Variants in RAB3IL1 observed in about 807,000 individuals in gnomAD.
The protein encoded by RAB3IL1 is RAB3A interacting protein like 1.
Under a neutral mutation model 49.2 loss-of-function variants are expected in RAB3IL1, and 37 were observed. The ratio of observed to expected loss-of-function variants is 0.75; its 90% CI spans 0.58 to 0.99. RAB3IL1 has a LOEUF of 0.99. RAB3IL1 is among the 50% of genes least tolerant of loss of function. The pLI is 0.00. For synonymous variants in RAB3IL1, 193 were observed against 213.9 expected (o/e 0.90, Z 0.85); for missense variants, 484 against 513.0 (o/e 0.94, Z 0.55).
chr11:61,925,848 AG>A, the RAB3IL1 span, among the ~76,000 whole-genome samples: 2 of 152,198 alleles, frequency 1.3e-5, no homozygotes, highest in African/African-American at 4.8e-5. Flanking sequence ...GGCGAGTTAA[AG>A]AATTTGGACT....
the RAB3IL1 span, among the ~76,000 whole-genome samples, chr11:61,939,582 T>G: frequency 6.6e-6 from 1 of 151,530 alleles, no homozygotes; most frequent in African/African-American, 2.4e-5. Flanking sequence ...AAAACAAAAG[T>G]TGATTCTTCA....
At chr11:61,916,920 G>A (rs943730959) in intron 1 of RAB3IL1, among the ~76,000 whole-genome samples, 4 of 151,986 alleles carry the variant, frequency 2.6e-5, no homozygotes, top group Non-Finnish European at 5.9e-5. Context: ...CCTCAACTTG[G>A]GAGCCACCCT....
upstream of RAB3IL1, among the ~76,000 whole-genome samples, chr11:61,922,287 G>C (rs769913401): frequency 1.3e-5 from 2 of 152,110 alleles, no homozygotes; most frequent in Non-Finnish European, 2.9e-5. Context: ...TTAGGAGGCC[G>C]AGGCGAGTGG....
chr11:61,943,089 C>G, the RAB3IL1 span, among the ~76,000 whole-genome samples: 1 of 152,198 alleles, frequency 6.6e-6, no homozygotes, highest in African/African-American at 2.4e-5. Context: ...AACTTACACT[C>G]CTGGTTTCGA....
chr11:61,901,855 C>A (rs998719825), intron 8 of RAB3IL1, among the ~76,000 whole-genome samples: 6 of 152,230 alleles, frequency 3.9e-5, no homozygotes, highest in Non-Finnish European at 7.3e-5. Flanking sequence ...AGCAGAGAAT[C>A]CAGTAAGTAA....
the RAB3IL1 span, among the ~76,000 whole-genome samples, chr11:61,928,064 A>G: frequency 6.6e-6 from 1 of 152,146 alleles, no homozygotes; most frequent in Non-Finnish European, 1.5e-5. Context: ...TCACATATCA[A>G]AAAGATGGCT....
chr11:61,898,892 G>T lies in RAB3IL1; in HGVS notation c.1066+422C>A, dbSNP rs751947248. On this transcript the variant is annotated intron_variant, in intron 9 of 9. Coordinates refer to ENST00000394836, the MANE Select transcript of RAB3IL1 (RefSeq NM_013401.4). The surrounding 1 kb of genome is among the most constrained non-coding windows in gnomAD (Gnocchi z 5.1). ...AGGAGAAGACTCAGCAGCGAGCAAA[G>T]GTTGGTGGAGGAGCGGGGAGCCAGG... The T allele has an allele frequency of 9.1e-5, 43 of 473,896 alleles. No homozygotes were observed. Among genetic ancestry groups the T allele is most frequent in the South Asian group, 6.3e-4 (41 of 64,726 alleles). The allele number at this position is 473,896 out of a possible 1,614,324, so 29.4% of individuals were successfully genotyped here.
chr11:61,920,798 C>CTGTAATCTCA (rs200812268), upstream of RAB3IL1, among the ~76,000 whole-genome samples: 3,049 of 152,240 alleles, frequency 0.02, 87 homozygotes, highest in African/African-American at 0.064. Flanking sequence ...TGGCGCATGC[C>CTGTAATCTCA]TGTAATCTCA....
intron 4 of RAB3IL1, 141 bp downstream of exon 4, chr11:61,907,252 C>A: frequency 1.2e-6 from 1 of 834,214 alleles, no homozygotes. Flanking sequence ...TCCCTTCCCT[C>A]CCTGGGCCTA....
Position 61,906,716 on chromosome 11 carries a change from C to A in RAB3IL1, c.439-32G>T. The A allele has an allele frequency of 6.4e-7, 1 of 1,570,944 alleles. No individual in the cohort carries two copies. The highest frequency in any genetic ancestry group is 8.7e-7 in the Non-Finnish European group (1 of 1,155,646). On this transcript the variant is annotated intron_variant, in intron 4 of 9. Coordinates refer to ENST00000394836, the MANE Select transcript of RAB3IL1 (RefSeq NM_013401.4). This position sits in a 1 kb window ranked among gnomAD's most constrained non-coding sequence, Gnocchi z 4.6. ...GGGATGGGATGGCTGTCAACCCTCA[C>A]CCAGACTGGATGCCATCCTGGCTGC... is the stretch of plus-strand genomic sequence containing the variant.
chr11:61,917,074 C>A (rs1012892182), intron 1 of RAB3IL1, among the ~76,000 whole-genome samples: 29 of 152,316 alleles, frequency 1.9e-4, no homozygotes, highest in African/African-American at 7.0e-4. Flanking sequence ...CTTCCCCACA[C>A]CCCAACTCTT....
the RAB3IL1 span, among the ~76,000 whole-genome samples, chr11:61,946,041 G>A: frequency 1.3e-5 from 2 of 152,176 alleles, no homozygotes; most frequent in Admixed American, 1.3e-4. Flanking sequence ...TGAGCTCAGG[G>A]TGGAGGTGCT....
intron 8 of RAB3IL1, 42 bp downstream of exon 8, chr11:61,902,400 G>T (rs1412840383): frequency 6.6e-7 from 1 of 1,525,766 alleles, no homozygotes; most frequent in African/African-American, 1.4e-5. Flanking sequence ...GCACCCAGGT[G>T]GCCCCAAAGG....
chr11:61,928,086 G>A, the RAB3IL1 span, among the ~76,000 whole-genome samples: 1,743 of 151,964 alleles, frequency 0.011, 35 homozygotes, highest in African/African-American at 0.04. Context: ...CTATGGATAA[G>A]TGTGGAATGG....
At chr11:61,942,545 A>C in the RAB3IL1 span, among the ~76,000 whole-genome samples, 25 of 152,212 alleles carry the variant, frequency 1.6e-4, no homozygotes, top group Non-Finnish European at 3.1e-4. Flanking sequence ...AAATGCTGGG[A>C]TGACATGCAT....
At chr11:61,905,834 C>T (rs564409082) in intron 5 of RAB3IL1, among the ~76,000 whole-genome samples, 4 of 152,096 alleles carry the variant, frequency 2.6e-5, no homozygotes, top group African/African-American at 9.7e-5. Flanking sequence ...CCAGCAGCCC[C>T]GGGAGGCCCC....
rs751796875 is a variant in RAB3IL1, at chr11:61,907,431, C to G, written c.400G>C (p.Ala134Pro). 1 of 1,614,040 alleles carries G rather than the reference C, an allele frequency of 6.2e-7. No homozygotes were observed. The highest frequency in any genetic ancestry group is 1.1e-5 in the South Asian group (1 of 91,088). The change falls in exon 4 of 10, where the codon GCG (alanine) becomes CCG (proline). Residue 134 changes from alanine to proline, a missense_variant. Ala to Pro is a conservative substitution (Grantham distance 27). Transcript: ENST00000394836. ...TCCTTCAGCTGCTTTTCTGATGCCG[C>G]CTGCTTCATGTTGGCTTCTCGAACC... ...KMVREANMKQ[A>P]ASEKQLKEAR...
At chr11:61,931,661 AAGG>A in the RAB3IL1 span, among the ~76,000 whole-genome samples, 15 of 152,194 alleles carry the variant, frequency 9.9e-5, no homozygotes, top group Non-Finnish European at 1.9e-4. Context: ...GAAGGAAGGC[AAGG>A]AGGAGGAAGA....
chr11:61,923,044 C>T (rs1315993523), upstream of RAB3IL1, among the ~76,000 whole-genome samples: 1 of 152,204 alleles, frequency 6.6e-6, no homozygotes, highest in East Asian at 1.9e-4. Flanking sequence ...TTGGTCCCTC[C>T]CTGCCAAGAC....
Sources: gnomAD v4.1 joint callset for allele counts (sites outside exome capture counted in the v4.1 genomes callset) on GRCh38, gnomAD v4.1.1 for gene constraint, Gnocchi (gnomAD v3.1) non-coding constraint, MANE v1.5 for transcripts, NCBI Gene and HGNC (gene_info 2026-07-23, HGNC 2026-07-21) for gene names.